The following CCNJL variants were observed in gnomAD, a reference collection of about 807,000 sequenced individuals.
CCNJL encodes cyclin-J-like protein.
Under a neutral mutation model 33.4 loss-of-function variants are expected in CCNJL, and 33 were observed. That is an observed-to-expected ratio of 0.99 (90% CI 0.75 to 1.32). The LOEUF is 1.32. Among genes scored for constraint, CCNJL ranks in the 40% most tolerant of loss-of-function variants. The pLI is 0.00. For synonymous variants in CCNJL, 227 were observed against 220.9 expected, an observed-to-expected ratio of 1.03 and a Z score of -0.24; for missense variants, 512 against 499.7, an observed-to-expected ratio of 1.02 and a Z score of -0.23.
intron 2 of CCNJL, among the ~76,000 whole-genome samples, chr5:160,301,242 A>T (rs1448439064): frequency 2.6e-5 from 4 of 152,248 alleles, no homozygotes; most frequent in Non-Finnish European, 4.4e-5. Flanking sequence ...AACGACATGG[A>T]TGAATCTCAA....
At chr5:160,282,889 C>T (rs1357672921) in intron 2 of CCNJL, among the ~76,000 whole-genome samples, 1 of 147,480 alleles carries the variant, frequency 6.8e-6, no homozygotes, top group Non-Finnish European at 1.5e-5. Context: ...GGTGCAGCCA[C>T]TGTGGGAAAC....
In CCNJL at chr5:160,253,503, C is replaced by T. The variant is rs199835106; in HGVS notation, c.1039G>A (p.Val347Ile). 35 of 1,614,150 alleles carry T rather than the reference C, an allele frequency of 2.2e-5. No individual in the cohort carries two copies. The highest frequency in any genetic ancestry group is 1.6e-4 in the Middle Eastern group (1 of 6,062). Residue 347 changes from valine (V) to isoleucine (I), a missense_variant, in exon 6 of 6, where the codon GTC becomes ATC. Coordinates refer to ENST00000257536, the MANE Select transcript of CCNJL (RefSeq NM_001308173.3). ...ATATGCATGCTAAGGGATGCAGGGA[C>T]GGGCACGGGACACATATCCAAGGGC... ...LQPLDMCPVP[V>I]PASLSMHMAI...
At chr5:160,283,089 T>A (rs868701008) in intron 2 of CCNJL, among the ~76,000 whole-genome samples, 7 of 145,292 alleles carry the variant, frequency 4.8e-5, no homozygotes, top group Admixed American at 2.2e-4. Flanking sequence ...CACAGCAGCA[T>A]CATTCATAAC....
Position 160,311,389 on chromosome 5 carries a change from A to G in CCNJL, c.66+469T>C, listed in dbSNP as rs554967386. 2.1e-4 allele frequency among the ~76,000 whole-genome samples: 32 copies of G among 152,314 alleles called. 2 individuals carry two copies. In the South Asian group the frequency reaches 6.4e-3, roughly 31 times the overall value. ...CCTGTACTACCACTTATCTTTATAT[A>G]GAGTTACTACTTTTACTTAAATTTG... On this transcript the variant is annotated intron_variant, in intron 2 of 5. Transcript: ENST00000257536.
rs371374466 is a variant in CCNJL, at chr5:160,312,163, G to A, written c.-49-191C>T. Among the ~76,000 whole-genome samples, 5 of 152,344 alleles carry A rather than the reference G, an allele frequency of 3.3e-5. No individual in the cohort carries two copies. The East Asian group carries it at 7.7e-4, about 24-fold the overall frequency. On this transcript the variant is annotated intron_variant, in intron 1 of 5. Coordinates refer to ENST00000257536, the MANE Select transcript of CCNJL (RefSeq NM_001308173.3). ...CCTCCCCTCTGCTCGCCGGACACGG[G>A]GCGATATGGAGCTGTGCAACAACTT...
At chr5:160,293,282 G>T (rs191945364) in intron 2 of CCNJL, among the ~76,000 whole-genome samples, 69 of 152,274 alleles carry the variant, frequency 4.5e-4, no homozygotes, top group Admixed American at 1.5e-3. Flanking sequence ...TTAGCTGGGC[G>T]TGGTGGTGCA....
chr5:160,333,069 G>C (rs554179584), intron 1 of CCNJL, among the ~76,000 whole-genome samples: 1 of 152,020 alleles, frequency 6.6e-6, no homozygotes, highest in Non-Finnish European at 1.5e-5. Context: ...AGGATTGCTT[G>C]AGCTCAGGAG....
In CCNJL at chr5:160,278,665, C is replaced by T. The variant is rs556714418; in HGVS notation, c.280+1860G>A. 2.0e-5 allele frequency among the ~76,000 whole-genome samples: 3 copies of T among 152,288 alleles called. No homozygotes were observed. In the South Asian group the frequency reaches 6.2e-4, roughly 32 times the overall value. ...AGGTGGCAGCAGCACAAAGGAGTCT[C>T]CAGTGTGTGCCTCACATCCCAGCTC... On this transcript the variant is annotated intron_variant, in intron 3 of 5. Coordinates refer to ENST00000257536, the MANE Select transcript of CCNJL (RefSeq NM_001308173.3).
At chr5:160,337,951 G>A (rs1426616949) in intron 1 of CCNJL, among the ~76,000 whole-genome samples, 1 of 152,034 alleles carries the variant, frequency 6.6e-6, no homozygotes, top group Non-Finnish European at 1.5e-5. Context: ...GGACTTTCAG[G>A]GCTCACCTCA....
At chr5:160,302,001 A>T (rs1581004682) in intron 2 of CCNJL, among the ~76,000 whole-genome samples, 2 of 152,322 alleles carry the variant, frequency 1.3e-5, no homozygotes, top group African/African-American at 4.8e-5. Context: ...AAGTGCTGGG[A>T]TTACAGGCAT....
chr5:160,285,666 G>T (rs1422463162), intron 2 of CCNJL, among the ~76,000 whole-genome samples: 1 of 152,236 alleles, frequency 6.6e-6, no homozygotes, highest in African/African-American at 2.4e-5. Context: ...AACAGCACCT[G>T]CAAAGCCACA....
intron 3 of CCNJL, among the ~76,000 whole-genome samples, chr5:160,269,190 G>A (rs1761728275): frequency 6.6e-6 from 1 of 152,232 alleles, no homozygotes; most frequent in Non-Finnish European, 1.5e-5. Context: ...GGACTTCCCT[G>A]TGTCAGGAAG....
intron 1 of CCNJL, among the ~76,000 whole-genome samples, chr5:160,329,886 G>A (rs1763584857): frequency 6.6e-6 from 1 of 152,052 alleles, no homozygotes; most frequent in Non-Finnish European, 1.5e-5. Flanking sequence ...GGTATTGTTA[G>A]GACACCCGTC....
At chr5:160,311,226 G>A (rs1478574240) in intron 2 of CCNJL, among the ~76,000 whole-genome samples, 1 of 152,052 alleles carries the variant, frequency 6.6e-6, no homozygotes, top group East Asian at 1.9e-4. Context: ...AGGCAAACCG[G>A]CAGGGGAGTT....
chr5:160,326,999 T>G (rs1763546696), intron 1 of CCNJL: 1 of 528,018 alleles, frequency 1.9e-6, no homozygotes, highest in African/African-American at 1.9e-5. Flanking sequence ...TGAGAAATTG[T>G]TGAGATGGAT....
intron 2 of CCNJL, among the ~76,000 whole-genome samples, chr5:160,308,313 G>A (rs547678368): frequency 7.2e-4 from 109 of 152,336 alleles, no homozygotes; most frequent in African/African-American, 2.4e-3. Flanking sequence ...AGAGGAAAGC[G>A]AAGACTGACT....
chr5:160,299,612 T>TA (rs35587377), intron 2 of CCNJL, among the ~76,000 whole-genome samples: 30,896 of 144,858 alleles, frequency 0.21, 3,491 homozygotes, highest in African/African-American at 0.3. Flanking sequence ...GTTGTTATGT[T>TA]AAAAAAAAAA....
intron 3 of CCNJL, among the ~76,000 whole-genome samples, chr5:160,260,550 CATCAGTTGT>C (rs1477594432): frequency 6.6e-6 from 1 of 152,134 alleles, no homozygotes; most frequent in Non-Finnish European, 1.5e-5. Context: ...CCCCGGCAGT[CATCAGTTGT>C]GGATGCTCTC....
At chr5:160,276,180 A>G (rs1037450430) in intron 3 of CCNJL, 3 of 152,026 alleles carry the variant, frequency 2.0e-5, no homozygotes, top group Non-Finnish European at 4.4e-5. Flanking sequence ...GAATCACCCG[A>G]GGTCAGGAGT....
Sources: allele counts gnomAD v4.1 joint callset (sites outside exome capture counted in the v4.1 genomes callset), GRCh38; gene constraint gnomAD v4.1.1; transcripts MANE v1.5; gene names NCBI Gene and HGNC (gene_info 2026-07-23, HGNC 2026-07-21).